The following INSC variants were observed in gnomAD, a reference collection of about 807,000 sequenced individuals.
INSC encodes INSC spindle orientation adaptor protein, also known as protein inscuteable homolog.
INSC carries 67 observed loss-of-function variants against 58.6 expected under a neutral mutation model. The ratio of observed to expected loss-of-function variants is 1.14; its 90% CI spans 0.94 to 1.40. The LOEUF is 1.40. Ranked by LOEUF, INSC falls within the 40% of genes most tolerant of loss-of-function variation. The probability of loss-of-function intolerance (pLI) is 0.00; values close to 1 mark genes in which losing one functional copy is unlikely to be tolerated. For synonymous variants in INSC, 262 were observed against 276.1 expected (o/e 0.95, Z 0.51); for missense variants, 714 against 692.0 (o/e 1.03, Z -0.36).
chr11:15,238,418 G>A (rs1034027141), intron 10 of INSC, among the ~76,000 whole-genome samples: 1 of 152,168 alleles, frequency 6.6e-6, no homozygotes, highest in Admixed American at 6.5e-5. Flanking sequence ...TATCAGAAGT[G>A]AAGAGGTGAT....
At chr11:15,179,912 T>A (rs1434506737) in intron 5 of INSC, among the ~76,000 whole-genome samples, 1 of 152,184 alleles carries the variant, frequency 6.6e-6, no homozygotes, top group Non-Finnish European at 1.5e-5. Context: ...GGCTGTTGCT[T>A]TTTATGCCAT....
Position 15,221,643 on chromosome 11 carries a change from T to A in INSC, c.986T>A (p.Leu329His). ...AGCATGGAGGAGATCGTGACAGCCCTCGTCAGTGAGTCACCCTGGGCAGCG... is the reference window on the plus strand; with the variant it reads ...AGCATGGAGGAGATCGTGACAGCCCACGTCAGTGAGTCACCCTGGGCAGCG... ...LESMEEIVTALVKLCQEASSG... is the reference protein window; with the variant it reads ...LESMEEIVTAHVKLCQEASSG... Residue 329 changes from leucine to histidine, a missense_variant, in exon 8 of 13, where the codon CTC becomes CAC. Coordinates refer to ENST00000379556, the MANE Select transcript of INSC (RefSeq NM_001042536.3). 1 of 1,609,944 alleles carries A rather than the reference T, an allele frequency of 6.2e-7. No individual in the cohort carries two copies. Among genetic ancestry groups the A allele is most frequent in the South Asian group, 1.1e-5 (1 of 90,638 alleles).
chr11:15,248,369 C>T (rs1486645501), downstream of INSC, among the ~76,000 whole-genome samples: 6 of 152,146 alleles, frequency 3.9e-5, no homozygotes, highest in Admixed American at 2.0e-4. Context: ...TGCTTTTGCA[C>T]CATTAGTGCA....
intron 10 of INSC, among the ~76,000 whole-genome samples, chr11:15,236,055 CAAAAAA>C (rs66649068): frequency 5.0e-5 from 5 of 99,024 alleles, no homozygotes; most frequent in Non-Finnish European, 4.1e-5. Context: ...GACTCTGTCT[CAAAAAA>C]AAAAAAAAAA....
chr11:15,243,342 C>T (rs1203007320), intron 12 of INSC, among the ~76,000 whole-genome samples: 1 of 152,202 alleles, frequency 6.6e-6, no homozygotes, highest in African/African-American at 2.4e-5. Flanking sequence ...CTTATTGTCT[C>T]CCCTGTCTGG....
At chr11:15,191,137 C>A (rs376359464) in intron 6 of INSC, among the ~76,000 whole-genome samples, 1 of 150,706 alleles carries the variant, frequency 6.6e-6, no homozygotes, top group South Asian at 2.1e-4. Context: ...CCTGCCACCA[C>A]GTCCGGCTAA....
the INSC span, among the ~76,000 whole-genome samples, chr11:15,256,457 T>A: frequency 6.6e-6 from 1 of 151,950 alleles, no homozygotes; most frequent in Non-Finnish European, 1.5e-5. Flanking sequence ...GGTTGGCACT[T>A]TCGTATGGCA....
chr11:15,219,122 TA>T (rs902998527), intron 7 of INSC, among the ~76,000 whole-genome samples: 1 of 151,996 alleles, frequency 6.6e-6, no homozygotes, highest in Non-Finnish European at 1.5e-5. Flanking sequence ...GTGGAGCTGT[TA>T]AAAAGCAGAT....
intron 9 of INSC, among the ~76,000 whole-genome samples, chr11:15,234,205 T>C (rs1425552111): frequency 1.3e-5 from 2 of 152,176 alleles, no homozygotes. Flanking sequence ...CCCACTGTAG[T>C]CATGCTTATC....
intron 7 of INSC, among the ~76,000 whole-genome samples, chr11:15,218,143 C>T (rs543524559): frequency 3.9e-4 from 60 of 152,142 alleles, no homozygotes; most frequent in African/African-American, 7.2e-4. Context: ...CACCCATCGA[C>T]GGGAGAATGC....
chr11:15,229,996 TATATATATATATATATAA>T (rs1851839335), intron 9 of INSC, among the ~76,000 whole-genome samples: 1 of 26,644 alleles, frequency 3.8e-5, no homozygotes, highest in Non-Finnish European at 6.0e-5. Flanking sequence ...TATATATATA[TATATATATATATATATAA>T]TATATATATA....
intron 9 of INSC, among the ~76,000 whole-genome samples, chr11:15,230,166 G>T (rs1476449765): frequency 6.8e-6 from 1 of 146,336 alleles, no homozygotes; most frequent in East Asian, 2.0e-4. Context: ...CTCCAGCCTG[G>T]ATGATAGAGC....
At position 15,175,885 on chromosome 11, in the gene INSC, C is replaced by T; in HGVS notation, c.201C>T (p.Gly67=). ...AGGGTGACCTCATCCTGGCAGGTGG[C>T]CCTGGCCCTGGAGACCCCCTGCAGC... ...DAQGDLILAG[G]PGPGDPLQLL... is the part of the protein sequence containing the mutation. The change falls in exon 3 of 13, where the codon GGC becomes GGT. Residue 67 remains glycine, a synonymous_variant. Coordinates refer to ENST00000379556, the MANE Select transcript of INSC (RefSeq NM_001042536.3). The T allele has an allele frequency of 3.2e-5, 52 of 1,614,096 alleles. No individual in the cohort carries two copies. The highest frequency in any genetic ancestry group is 4.1e-5 in the Non-Finnish European group (48 of 1,179,940).
At chr11:15,247,711 AG>A (rs1395580104), downstream of INSC, among the ~76,000 whole-genome samples, 1 of 141,666 alleles carries the variant, frequency 7.1e-6, no homozygotes, top group African/African-American at 2.6e-5. Flanking sequence ...CCTTATACAA[AG>A]CTTCCATTTT....
chr11:15,216,960 G>T (rs114631344), intron 7 of INSC, among the ~76,000 whole-genome samples: 1 of 152,200 alleles, frequency 6.6e-6, no homozygotes, highest in African/African-American at 2.4e-5. Context: ...CTCTGAAGTT[G>T]TTACTTTTAG....
intron 5 of INSC, chr11:15,188,100 G>C: frequency 1.3e-6 from 1 of 798,638 alleles, no homozygotes; most frequent in South Asian, 5.7e-5. Flanking sequence ...CAGTCATGCT[G>C]TGCTCAGTTA....
In INSC at chr11:15,240,446, G is replaced by A; in HGVS notation, c.1394-1G>A. 6.2e-7 allele frequency: 1 copy of A among 1,613,694 alleles called. No individual in the cohort carries two copies. Among genetic ancestry groups the A allele is most frequent in the East Asian group, 2.2e-5 (1 of 44,818 alleles). On this transcript the variant is annotated splice_acceptor_variant, in intron 11 of 12. Coordinates refer to ENST00000379556, the MANE Select transcript of INSC (RefSeq NM_001042536.3). LOFTEE classifies it high-confidence loss of function. ...TGAGGCTCTCCCTGTGTCTCCTACA[G>A]GCATGTCCCGTCTCATCGAGCTCTG...
chr11:15,149,020 A>G lies in INSC; in HGVS notation c.-45-110A>G, dbSNP rs1590362590. The G allele has an allele frequency of 3.1e-6, 4 of 1,286,638 alleles. No homozygotes were observed. The East Asian group carries it at 1.1e-4, about 36-fold the overall frequency. The allele number at this position is 1,286,638 out of a possible 1,614,324, so 79.7% of individuals were successfully genotyped here. Reference sequence around the variant, plus strand: ...GTTCAACAGAAGAAGAGGGCTAAGAAGTCTTACCTCTTTGTCTGCTTTGGT... The same window carrying G: ...GTTCAACAGAAGAAGAGGGCTAAGAGGTCTTACCTCTTTGTCTGCTTTGGT... On this transcript the variant is annotated intron_variant, in intron 1 of 12. Transcript: ENST00000379556.
chr11:15,139,325 G>A (rs867967364), intron 1 of INSC, among the ~76,000 whole-genome samples: 3 of 152,220 alleles, frequency 2.0e-5, no homozygotes, highest in Non-Finnish European at 4.4e-5. Flanking sequence ...TATGCTGATT[G>A]TTAATTTTAG....
Sources: allele counts gnomAD v4.1 joint callset (sites outside exome capture counted in the v4.1 genomes callset), GRCh38; gene constraint gnomAD v4.1.1; transcripts MANE v1.5; gene names NCBI Gene and HGNC (gene_info 2026-07-23, HGNC 2026-07-21).